ANKAR: variants seen among roughly 807,000 people sequenced by gnomAD.
ANKAR encodes ankyrin and armadillo repeat containing, also known as ankyrin and armadillo repeat-containing protein.
Under a neutral mutation model 146.2 loss-of-function variants are expected in ANKAR, and 136 were observed. That is an observed-to-expected ratio of 0.93 (90% CI 0.81 to 1.07). The LOEUF (loss-of-function observed/expected upper bound fraction) is 1.07. ANKAR is among the 50% of genes least tolerant of loss of function. ANKAR has a pLI of 0.00. For missense variants in ANKAR, 1,567 were observed against 1,679.9 expected (o/e 0.93, Z 1.18); for synonymous variants, 500 against 575.8 (o/e 0.87, Z 1.88).
chr2:189,685,571 C>T (rs886084857), intron 2 of ANKAR, among the ~76,000 whole-genome samples: 2 of 152,170 alleles, frequency 1.3e-5, no homozygotes, highest in African/African-American at 2.4e-5. Context: ...AGGCTCTCCT[C>T]ACCTGCCTGG....
At chr2:189,698,734 C>T (rs1271083077) in intron 7 of ANKAR, among the ~76,000 whole-genome samples, 1 of 152,156 alleles carries the variant, frequency 6.6e-6, no homozygotes, top group Non-Finnish European at 1.5e-5. Context: ...GGGAGCCCGA[C>T]CTCATTCTTC....
intron 17 of ANKAR, among the ~76,000 whole-genome samples, chr2:189,733,503 C>A (rs553384085): frequency 6.6e-6 from 1 of 152,244 alleles, no homozygotes; most frequent in African/African-American, 2.4e-5. Flanking sequence ...CAAACCTTTA[C>A]AATAATTTTA....
intron 18 of ANKAR, chr2:189,755,391 T>C (rs1355524722): frequency 6.2e-7 from 1 of 1,612,924 alleles, no homozygotes; most frequent in Non-Finnish European, 8.5e-7. Context: ...AGCTGTAAGC[T>C]AAATGATAAG....
intron 4 of ANKAR, 174 bp downstream of exon 4, chr2:189,692,592 T>C: frequency 1.8e-6 from 1 of 558,578 alleles, no homozygotes; most frequent in Non-Finnish European, 3.0e-6. Context: ...AGTGCAGATA[T>C]ATGTAAGGTA....
In ANKAR at chr2:189,728,364, G is replaced by A. The variant is rs139078107; in HGVS notation, c.2975G>A (p.Gly992Glu). ...CAAAAATATATGGCAGAACAAATTG[G>A]ATACAGCTTTATAATAAATATGCTT... ...KQQKYMAEQI[G>E]YSFIINMLLS... Residue 992 changes from glycine (G) to glutamate (E), a missense_variant, in exon 14 of 23, where the codon GGA (glycine) becomes GAA (glutamate). Coordinates refer to ENST00000684021, the MANE Select transcript of ANKAR (RefSeq NM_001378068.1). The A allele has an allele frequency of 6.1e-4, 977 of 1,612,574 alleles. 1 individual carries two copies. Among genetic ancestry groups the A allele is most frequent in the South Asian group, 1.3e-3 (118 of 90,376 alleles).
intron 18 of ANKAR, among the ~76,000 whole-genome samples, chr2:189,758,313 G>A (rs948636770): frequency 1.3e-5 from 2 of 152,044 alleles, no homozygotes; most frequent in Non-Finnish European, 2.9e-5. Flanking sequence ...CCCGGGAGGC[G>A]GAGGTTGTGA....
chr2:189,704,587 ATATATATAT>A (rs1445127278), intron 7 of ANKAR, among the ~76,000 whole-genome samples: 2 of 115,158 alleles, frequency 1.7e-5, no homozygotes, highest in Non-Finnish European at 3.5e-5. Context: ...ATATATATAT[ATATATATAT>A]AATTTTAATT....
At chr2:189,693,719 C>CTT (rs1232172008) in intron 5 of ANKAR, among the ~76,000 whole-genome samples, 2 of 151,258 alleles carry the variant, frequency 1.3e-5, no homozygotes, top group African/African-American at 4.9e-5. Flanking sequence ...CGAGACCAGA[C>CTT]TGGGCACCAG....
At chr2:189,678,573 A>T (rs1400734714) in intron 2 of ANKAR, among the ~76,000 whole-genome samples, 1 of 152,204 alleles carries the variant, frequency 6.6e-6, no homozygotes, top group African/African-American at 2.4e-5. Context: ...TTCTGGTCTT[A>T]GATTTAGTTC....
intron 2 of ANKAR, among the ~76,000 whole-genome samples, chr2:189,681,981 T>A (rs1332517815): frequency 6.6e-6 from 1 of 152,226 alleles, no homozygotes; most frequent in Non-Finnish European, 1.5e-5. Context: ...GCATTCTGAC[T>A]GCTCTCTGCC....
chr2:189,749,217 G>T (rs1345930119), downstream of ANKAR, among the ~76,000 whole-genome samples: 2 of 126,282 alleles, frequency 1.6e-5, no homozygotes, highest in African/African-American at 5.8e-5. Context: ...TTGCACTCCA[G>T]TCTGGACAAC....
In ANKAR at chr2:189,722,614, A is replaced by G. The variant is rs533224754; in HGVS notation, c.2635+1827A>G. Among the ~76,000 whole-genome samples, 179 of 152,024 alleles carry G rather than the reference A, an allele frequency of 1.2e-3. 1 individual carries two copies. The highest frequency in any genetic ancestry group is 1.1e-3 in the African/African-American group (46 of 41,498). ...AGAAAACTATAGCACCGGGTGTGGT[A>G]GCTCACGCCTGTAATCCCAGCACTT... On this transcript the variant is annotated intron_variant, in intron 12 of 22. Coordinates refer to ENST00000684021, the MANE Select transcript of ANKAR (RefSeq NM_001378068.1).
chr2:189,746,241 A>G (rs1407623028), intron 22 of ANKAR, 139 bp from the exon 23 acceptor site: 1 of 1,055,240 alleles, frequency 9.5e-7, no homozygotes, highest in African/African-American at 1.6e-5. Context: ...GGCCCCTGAC[A>G]TCTAAATGTC....
At position 189,719,718 on chromosome 2, in the gene ANKAR, C is replaced by T; in HGVS notation, c.2371C>T (p.Leu791=). ...GGGAGGCATTCCATCTCTAATCAAC[C>T]TACTGGTTTGTGATGAGCCTGAAGT... ...EAGGIPSLIN[L]LVCDEPEVHS... Residue 791 remains leucine, a synonymous_variant, in exon 11 of 23, where the codon CTA becomes TTA. Coordinates refer to ENST00000684021, the MANE Select transcript of ANKAR (RefSeq NM_001378068.1). 2 of 1,614,052 alleles carry T rather than the reference C, an allele frequency of 1.2e-6. No individual in the cohort carries two copies. The highest frequency in any genetic ancestry group is 2.2e-5 in the South Asian group (2 of 91,066).
rs1320108993 is a variant in ANKAR, at chr2:189,688,589, C to T, written c.602-938C>T. 1.3e-5 allele frequency among the ~76,000 whole-genome samples: 2 copies of T among 152,044 alleles called. 1 individual carries two copies. The highest frequency in any genetic ancestry group is 3.8e-4 in the East Asian group (2 of 5,198). ...AAGCTGGCCATTCTGACAGGCATTT[C>T]GAGGAAGAGAGGAGCAAGACAGGAA... On this transcript the variant is annotated intron_variant, in intron 2 of 22. Transcript: ENST00000684021.
chr2:189,741,748 C>T (rs1451619293), intron 20 of ANKAR, among the ~76,000 whole-genome samples: 1 of 151,934 alleles, frequency 6.6e-6, no homozygotes, highest in Non-Finnish European at 1.5e-5. Flanking sequence ...ATTTTAATCA[C>T]AAAAGCAGTA....
intron 20 of ANKAR, among the ~76,000 whole-genome samples, chr2:189,742,591 TC>T (rs1285568155): frequency 9.2e-5 from 14 of 152,208 alleles, no homozygotes; most frequent in Middle Eastern, 3.4e-3. Context: ...TAAGTTGCTT[TC>T]TCTAAGATTT....
intron 18 of ANKAR, among the ~76,000 whole-genome samples, chr2:189,756,777 C>T (rs2046152489): frequency 6.6e-6 from 1 of 152,182 alleles, no homozygotes; most frequent in Admixed American, 6.5e-5. Context: ...CAACAGTCTT[C>T]TAATTGTACT....
rs1201089611 is a variant in ANKAR, at chr2:189,731,370, TTTTTTC to T, written c.3300+775_3300+780del. ...AAGTAAATAGCATTGTTTCTTTTTC[TTTTTTC>T]TTTTTTTTTTTTTTTGAGACAGAAT... On this transcript the variant is annotated intron_variant, in intron 16 of 22. Coordinates refer to ENST00000684021, the MANE Select transcript of ANKAR (RefSeq NM_001378068.1). Among the ~76,000 whole-genome samples the T allele has an allele frequency of 1.9e-3, 44 of 22,852 alleles. No individual in the cohort carries two copies. The South Asian group carries it at 0.02, about 11-fold the overall frequency. 15.0% of individuals were successfully genotyped at this position (22,852 alleles called of 152,430 possible).
Sources: gnomAD v4.1 joint callset for allele counts (sites outside exome capture counted in the v4.1 genomes callset) on GRCh38, gnomAD v4.1.1 for gene constraint, MANE v1.5 for transcripts, NCBI Gene and HGNC (gene_info 2026-07-23, HGNC 2026-07-21) for gene names.